SNX8: variants seen among roughly 807,000 people sequenced by gnomAD.
SNX8 encodes the protein sorting nexin 8.
SNX8 carries 25 observed loss-of-function variants against 51.6 expected under a neutral mutation model. The ratio of observed to expected loss-of-function variants is 0.48; its 90% CI spans 0.35 to 0.68. The LOEUF (loss-of-function observed/expected upper bound fraction) is 0.68, where lower values mean the gene tolerates loss of function less well. SNX8 is among the 30% of genes least tolerant of loss of function. The probability of loss-of-function intolerance (pLI) is 0.00; values close to 1 mark genes in which losing one functional copy is unlikely to be tolerated. For synonymous variants in SNX8, 324 were observed against 277.0 expected (o/e 1.17, Z -1.68); for missense variants, 695 against 624.0 (o/e 1.11, Z -1.21).
rs1349076081 is a variant in SNX8, at chr7:2,309,513, C to T, written c.94+4815G>A. ...TTGGGAGGCCAAGGTGGGCAGATCA[C>T]CTGAGGTTGGGAGTTCGAGACCAGC... On this transcript the variant is annotated intron_variant, in intron 1 of 10. Coordinates refer to ENST00000222990, the MANE Select transcript of SNX8 (RefSeq NM_013321.4). 2.6e-5 allele frequency among the ~76,000 whole-genome samples: 4 copies of T among 151,990 alleles called. 1 individual carries two copies. The highest frequency in any genetic ancestry group is 4.4e-5 in the Non-Finnish European group (3 of 68,004).
At chr7:2,313,905 G>A (rs1701224360) in intron 1 of SNX8, among the ~76,000 whole-genome samples, 1 of 152,230 alleles carries the variant, frequency 6.6e-6, no homozygotes, top group South Asian at 2.1e-4. Flanking sequence ...GAGAGGATGT[G>A]GCTAGGAAAG....
At chr7:2,305,471 C>G (rs1284529674) in intron 1 of SNX8, among the ~76,000 whole-genome samples, 4 of 152,080 alleles carry the variant, frequency 2.6e-5, no homozygotes, top group Non-Finnish European at 5.9e-5. Context: ...TCAAGTGATT[C>G]TCCTGTCTCA....
rs201130305 is a variant in SNX8, at chr7:2,257,816, G to A, written c.916-13C>T. ...CTTCCTGCTTACCCTGGAAGGCGAG[G>A]GGGAGCTCACCCACGCGGACGCACA... On this transcript the variant is annotated splice_polypyrimidine_tract_variant and intron_variant, in intron 7 of 10. Coordinates refer to ENST00000222990, the MANE Select transcript of SNX8 (RefSeq NM_013321.4). 1,165 of 1,613,456 alleles carry A rather than the reference G, an allele frequency of 7.2e-4. No homozygotes were observed. Among genetic ancestry groups the A allele is most frequent in the Non-Finnish European group, 9.3e-4 (1,093 of 1,179,750 alleles).
rs577321318 is a variant in SNX8, at chr7:2,262,780, G to A, written c.915+450C>T. On this transcript the variant is annotated intron_variant, in intron 7 of 10. Coordinates refer to ENST00000222990, the MANE Select transcript of SNX8 (RefSeq NM_013321.4). Reference sequence around the variant, plus strand: ...GGAGCCACCAGGAACAGATGTGGATGGGCAGCTCCCACCCAGGGCACAGCT... The same window carrying A: ...GGAGCCACCAGGAACAGATGTGGATAGGCAGCTCCCACCCAGGGCACAGCT... 7.3e-4 allele frequency among the ~76,000 whole-genome samples: 111 copies of A among 152,178 alleles called. 1 individual carries two copies. The highest frequency in any genetic ancestry group is 2.3e-3 in the African/African-American group (97 of 41,564).
At chr7:2,257,256 C>A (rs1297825751) in intron 9 of SNX8, 109 bp downstream of exon 9, 21 of 1,361,766 alleles carry the variant, frequency 1.5e-5, no homozygotes, top group Admixed American at 2.2e-5. Flanking sequence ...CAGCTCTGTT[C>A]CAGACACAAG....
chr7:2,320,411 AC>A lies in SNX8; in HGVS notation c.-66+33810del, dbSNP rs1188069217. Among the ~76,000 whole-genome samples, 5 of 152,018 alleles carry A rather than the reference AC, an allele frequency of 3.3e-5. No individual in the cohort carries two copies. The East Asian group carries it at 9.6e-4, about 29-fold the overall frequency. On this transcript the variant is annotated intron_variant, in intron 1 of 5. Coordinates refer to the SNX8 transcript ENST00000435336. ...TCCTGTGAACATTTCCAGAGTATTT[AC>A]TGTTTATCAAAATTTGTATGGCTAG...
chr7:2,266,553 G>C lies in SNX8; in HGVS notation c.622-2095C>G, dbSNP rs549647424. Among the ~76,000 whole-genome samples, 42 of 152,152 alleles carry C rather than the reference G, an allele frequency of 2.8e-4. 1 individual carries two copies. Among genetic ancestry groups the C allele is most frequent in the Admixed American group, 2.6e-3 (40 of 15,286 alleles). On this transcript the variant is annotated intron_variant, in intron 5 of 10. Transcript: ENST00000222990. ...GTAGAGGCGGGGTTTCACCATGTTA[G>C]TCAGGCTAGTCTTGAACTCCTGACC... is the stretch of plus-strand genomic sequence containing the variant.
At chr7:2,279,717 C>G (rs60942674) in intron 1 of SNX8, among the ~76,000 whole-genome samples, 2 of 141,662 alleles carry the variant, frequency 1.4e-5, no homozygotes, top group African/African-American at 5.2e-5. Context: ...TGCACCACTG[C>G]ATTCTAGCCT....
intron 1 of SNX8, among the ~76,000 whole-genome samples, chr7:2,325,274 G>A (rs917011971): frequency 6.6e-6 from 1 of 152,176 alleles, no homozygotes; most frequent in Non-Finnish European, 1.5e-5. Flanking sequence ...CCAAAGTGCT[G>A]GGACTGTAGG....
chr7:2,325,468 TC>T (rs1384980635), intron 1 of SNX8, among the ~76,000 whole-genome samples: 1 of 152,074 alleles, frequency 6.6e-6, no homozygotes, highest in African/African-American at 2.4e-5. Context: ...GCCTAAATGG[TC>T]ACAAACAGAC....
At chr7:2,270,408 C>T (rs145668438) in intron 4 of SNX8, among the ~76,000 whole-genome samples, 2,967 of 147,560 alleles carry the variant, frequency 0.02, 39 homozygotes, top group South Asian at 0.045. Context: ...GGGAGGATCG[C>T]TGGAGCCCAG....
At chr7:2,283,849 G>A (rs1330209168) in intron 1 of SNX8, among the ~76,000 whole-genome samples, 2 of 152,230 alleles carry the variant, frequency 1.3e-5, no homozygotes, top group African/African-American at 4.8e-5. Flanking sequence ...AAGCTAGAGT[G>A]CAGTGGCACA....
intron 1 of SNX8, among the ~76,000 whole-genome samples, chr7:2,304,498 T>G (rs896060253): frequency 8.0e-5 from 12 of 150,496 alleles, no homozygotes; most frequent in African/African-American, 2.9e-4. Flanking sequence ...GAGCGGAGAT[T>G]GCCCCACTGT....
At chr7:2,343,616 A>C (rs1778971204) in intron 1 of SNX8, among the ~76,000 whole-genome samples, 1 of 152,202 alleles carries the variant, frequency 6.6e-6, no homozygotes, top group Non-Finnish European at 1.5e-5. Context: ...CGGAGCTTGC[A>C]GTGAGCCAAC....
intron 1 of SNX8, among the ~76,000 whole-genome samples, chr7:2,330,779 G>A (rs1778716221): frequency 6.6e-6 from 1 of 152,116 alleles, no homozygotes; most frequent in Admixed American, 6.6e-5. Flanking sequence ...GTGGGGGAAT[G>A]AGAATGCAGG....
At chr7:2,270,059 G>A (rs539826228) in intron 4 of SNX8, among the ~76,000 whole-genome samples, 1 of 152,224 alleles carries the variant, frequency 6.6e-6, no homozygotes, top group Admixed American at 6.5e-5. Context: ...GGGCAAAAGT[G>A]TCTTCCTTCC....
intron 1 of SNX8, among the ~76,000 whole-genome samples, chr7:2,345,465 G>T (rs1377010282): frequency 1.3e-5 from 2 of 151,884 alleles, no homozygotes; most frequent in African/African-American, 4.8e-5. Flanking sequence ...ATCACCTGAG[G>T]TCAGGAGTTC....
At chr7:2,289,965 G>C (rs553718111) in intron 1 of SNX8, among the ~76,000 whole-genome samples, 166 of 152,266 alleles carry the variant, frequency 1.1e-3, no homozygotes, top group South Asian at 2.1e-3. Flanking sequence ...GGCTGAGGCG[G>C]GTGGATCACC....
intron 1 of SNX8, among the ~76,000 whole-genome samples, chr7:2,302,346 C>T (rs1308271399): frequency 1.3e-5 from 2 of 152,234 alleles, no homozygotes; most frequent in Admixed American, 6.5e-5. Context: ...GTGAGTGATC[C>T]ACCAGCCTCG....
Sources: gnomAD v4.1 joint callset for allele counts (sites outside exome capture counted in the v4.1 genomes callset) on GRCh38, gnomAD v4.1.1 for gene constraint, MANE v1.5 for transcripts, NCBI Gene and HGNC (gene_info 2026-07-23, HGNC 2026-07-21) for gene names.